STK3: variants seen among roughly 807,000 people sequenced by gnomAD.
The protein encoded by STK3 is serine/threonine-protein kinase 3.
STK3 carries 41 observed loss-of-function variants against 58.0 expected under a neutral mutation model. That is an observed-to-expected ratio of 0.71 (90% CI 0.55 to 0.92). The LOEUF (loss-of-function observed/expected upper bound fraction) is 0.92. STK3 is among the 40% of genes least tolerant of loss of function. The probability of loss-of-function intolerance (pLI) is 0.00; values close to 1 mark genes in which losing one functional copy is unlikely to be tolerated. For synonymous variants in STK3, 170 were observed against 191.0 expected (o/e 0.89, Z 0.91); for missense variants, 479 against 602.7 (o/e 0.79, Z 2.15).
At chr8:98,584,346 G>T (rs1586926566) in intron 7 of STK3, among the ~76,000 whole-genome samples, 1 of 151,668 alleles carries the variant, frequency 6.6e-6, no homozygotes, top group African/African-American at 2.4e-5. Flanking sequence ...AGAATATACG[G>T]TGTTTGGTTT....
chr8:98,609,580 A>G (rs1817023252), intron 6 of STK3, among the ~76,000 whole-genome samples: 1 of 152,240 alleles, frequency 6.6e-6, no homozygotes, highest in Non-Finnish European at 1.5e-5. Context: ...AGAAGACAGT[A>G]CAAAAACATC....
At chr8:98,370,088 ATTTT>A (rs5893462), downstream of STK3, among the ~76,000 whole-genome samples, 10 of 127,636 alleles carry the variant, frequency 7.8e-5, no homozygotes, top group Non-Finnish European at 1.3e-4. Flanking sequence ...TGGGATTTTG[ATTTT>A]TTTTTTTTTT....
chr8:98,741,568 C>T (rs1228217012), intron 4 of STK3, among the ~76,000 whole-genome samples: 10 of 152,134 alleles, frequency 6.6e-5, no homozygotes, highest in Non-Finnish European at 1.5e-4. Context: ...ACACAACATA[C>T]CAGAATCGCT....
chr8:98,492,242 G>A (rs1412835969), intron 10 of STK3, among the ~76,000 whole-genome samples: 1 of 152,150 alleles, frequency 6.6e-6, no homozygotes, highest in Admixed American at 6.5e-5. Flanking sequence ...AGAGAACAAT[G>A]AGAGAGAGAA....
intron 6 of STK3, among the ~76,000 whole-genome samples, chr8:98,690,799 A>C (rs1363679319): frequency 1.3e-5 from 2 of 152,212 alleles, no homozygotes; most frequent in Admixed American, 6.5e-5. Context: ...TTCAAACTAT[A>C]CTACATGGTA....
Position 98,462,118 on chromosome 8 carries a change from T to C in STK3, c.1318-6118A>G, listed in dbSNP as rs546713655. ...TAACACTCTTCAAGTTATTTTAAAATGTACAATTAAGTTATTATTAACTAT... is the reference window on the plus strand; with the variant it reads ...TAACACTCTTCAAGTTATTTTAAAACGTACAATTAAGTTATTATTAACTAT... On this transcript the variant is annotated intron_variant, in intron 10 of 10. Transcript: ENST00000419617. Among the ~76,000 whole-genome samples, 3 of 152,324 alleles carry C rather than the reference T, an allele frequency of 2.0e-5. No homozygotes were observed. The East Asian group carries it at 5.8e-4, about 29-fold the overall frequency.
intron 10 of STK3, among the ~76,000 whole-genome samples, chr8:98,498,242 GC>G (rs1179365413): frequency 6.6e-6 from 1 of 152,064 alleles, no homozygotes; most frequent in African/African-American, 2.4e-5. Flanking sequence ...TAGAGAAAAT[GC>G]CTATCATCAA....
chr8:98,408,059 TCAC>T (rs1818016982), intron 3 of STK3, among the ~76,000 whole-genome samples: 2 of 152,170 alleles, frequency 1.3e-5, no homozygotes, highest in African/African-American at 2.4e-5. Context: ...AGACCAGAAC[TCAC>T]CACTGGCAGG....
Position 98,846,748 on chromosome 8 carries a change from T to TTG in STK3, c.110+36898_110+36899insCA, listed in dbSNP as rs1433511574. ...AAGACCAATCAGGTATTGAGGGGCA[T>TTG]GTACCATATGTCCACTGGATGTGGA... is the stretch of plus-strand genomic sequence containing the variant. On this transcript the variant is annotated intron_variant, in intron 3 of 12. Coordinates refer to the STK3 transcript ENST00000523601. Among the ~76,000 whole-genome samples, 3 of 152,142 alleles carry TTG rather than the reference T, an allele frequency of 2.0e-5. No homozygotes were observed. The East Asian group carries it at 5.8e-4, about 29-fold the overall frequency.
chr8:98,405,308 G>C lies in STK3; in HGVS notation n.484-3795C>G, dbSNP rs141725367. Among the ~76,000 whole-genome samples the C allele has an allele frequency of 8.0e-3, 1,213 of 152,312 alleles. 9 individuals are homozygous for C. The highest frequency in any genetic ancestry group is 0.017 in the Middle Eastern group (5 of 294). On this transcript the variant is annotated intron_variant and non_coding_transcript_variant, in intron 3 of 3. Coordinates refer to the STK3 transcript ENST00000517832. ...GGAGAGGGGTGACAATTTTGGATGA[G>C]TGGGGAGATGCCAGGTTTCCAGATT...
At chr8:98,398,188 T>C (rs748426300), downstream of STK3, among the ~76,000 whole-genome samples, 1 of 152,210 alleles carries the variant, frequency 6.6e-6, no homozygotes. Flanking sequence ...ACTCTTACAG[T>C]GGTTGGGGTG....
intron 7 of STK3, among the ~76,000 whole-genome samples, chr8:98,589,669 G>A (rs1815078985): frequency 6.6e-6 from 1 of 152,238 alleles, no homozygotes; most frequent in African/African-American, 2.4e-5. Flanking sequence ...AAGCAAGCCT[G>A]GGCAATGGCG....
intron 3 of STK3, among the ~76,000 whole-genome samples, chr8:98,865,281 A>C (rs1271969531): frequency 2.2e-4 from 34 of 152,158 alleles, no homozygotes; most frequent in Non-Finnish European, 7.4e-5. Flanking sequence ...AAACCAGGTT[A>C]ATTTTGCCAG....
intron 10 of STK3, among the ~76,000 whole-genome samples, chr8:98,480,818 T>C (rs964979585): frequency 6.6e-6 from 1 of 152,224 alleles, no homozygotes; most frequent in Admixed American, 6.5e-5. Context: ...GGGGAAAGTT[T>C]CAGGCTATGC....
intron 6 of STK3, among the ~76,000 whole-genome samples, chr8:98,699,950 T>A (rs1255701755): frequency 2.0e-5 from 3 of 152,222 alleles, no homozygotes; most frequent in Non-Finnish European, 4.4e-5. Context: ...TTTGTTTGTC[T>A]GTGCCCTGCC....
At chr8:98,553,058 C>T (rs1307094788) in intron 8 of STK3, among the ~76,000 whole-genome samples, 1 of 152,098 alleles carries the variant, frequency 6.6e-6, no homozygotes, top group Non-Finnish European at 1.5e-5. Flanking sequence ...AGAGTAGAGC[C>T]TCTAACTCTG....
chr8:98,841,681 CAA>C (rs10605812), intron 3 of STK3, among the ~76,000 whole-genome samples: 7,388 of 86,548 alleles, frequency 0.085, 154 homozygotes, highest in Non-Finnish European at 0.11. Flanking sequence ...GACCTGGTCT[CAA>C]AAAAAAAAAA....
chr8:98,892,689 T>C (rs1838241361), intron 1 of STK3, among the ~76,000 whole-genome samples: 1 of 152,218 alleles, frequency 6.6e-6, no homozygotes, highest in African/African-American at 2.4e-5. Context: ...AGCACTTTCT[T>C]ACTATGTAAG....
At chr8:98,672,628 A>G (rs1822914825) in intron 6 of STK3, among the ~76,000 whole-genome samples, 1 of 152,222 alleles carries the variant, frequency 6.6e-6, no homozygotes, top group Non-Finnish European at 1.5e-5. Flanking sequence ...TCAGCTAAGT[A>G]AAGAAACAAT....
Sources: gnomAD v4.1 joint callset for allele counts (sites outside exome capture counted in the v4.1 genomes callset) on GRCh38, gnomAD v4.1.1 for gene constraint, MANE v1.5 for transcripts, NCBI Gene and HGNC (gene_info 2026-07-23, HGNC 2026-07-21) for gene names.